Variants in CHODL observed in about 807,000 individuals in gnomAD.
CHODL encodes chondrolectin, also known as transmembrane protein MT75.
A neutral mutation model predicts 34.5 loss-of-function variants in CHODL; 29 were observed. The ratio of observed to expected loss-of-function variants is 0.84; its 90% CI spans 0.63 to 1.15. CHODL has a LOEUF of 1.15. CHODL is among the 50% of genes most tolerant of loss of function. The probability of loss-of-function intolerance (pLI) is 0.00; values close to 1 mark genes in which losing one functional copy is unlikely to be tolerated. For missense variants in CHODL, 332 were observed against 332.5 expected (o/e 1.00, Z 0.01); for synonymous variants, 125 against 116.1 (o/e 1.08, Z -0.49).
chr21:18,224,584 G>A (rs1341796322), intron 2 of CHODL, among the ~76,000 whole-genome samples: 2 of 151,994 alleles, frequency 1.3e-5, no homozygotes, highest in Non-Finnish European at 2.9e-5. Context: ...CTCTATTTAG[G>A]GTATAGTCTC....
chr21:18,133,663 G>T lies in CHODL; in HGVS notation c.-45+105692G>T, dbSNP rs368238624. Among the ~76,000 whole-genome samples the T allele has an allele frequency of 2.6e-3, 390 of 152,240 alleles. 1 individual carries two copies. The highest frequency in any genetic ancestry group is 0.014 in the South Asian group (67 of 4,826). ...CAGGAGAAAGGTTAGGCAGATTTGC[G>T]TATAGCCCCCTTTAGAAGGTTGCCA... On this transcript the variant is annotated intron_variant, in intron 2 of 6. Transcript: ENST00000400127.
chr21:18,067,699 T>A (rs184254784), intron 2 of CHODL, among the ~76,000 whole-genome samples: 2 of 152,232 alleles, frequency 1.3e-5, no homozygotes, highest in African/African-American at 4.8e-5. Flanking sequence ...TAGTTCCTTT[T>A]TCCTTCATAT....
intron 2 of CHODL, among the ~76,000 whole-genome samples, chr21:18,071,950 G>A (rs1052991186): frequency 1.3e-5 from 2 of 151,986 alleles, no homozygotes; most frequent in Admixed American, 1.3e-4. Flanking sequence ...TATAAATAAA[G>A]TTCTTTCAGT....
At chr21:18,179,070 C>T (rs2073350457) in intron 2 of CHODL, among the ~76,000 whole-genome samples, 1 of 152,112 alleles carries the variant, frequency 6.6e-6, no homozygotes, top group Admixed American at 6.5e-5. Flanking sequence ...CTAACCACCC[C>T]CAAGCACATA....
chr21:17,941,118 C>T (rs1361785858), intron 1 of CHODL, among the ~76,000 whole-genome samples: 1 of 152,112 alleles, frequency 6.6e-6, no homozygotes, highest in East Asian at 1.9e-4. Flanking sequence ...TGCCCTGTTT[C>T]ATTCTTGTCA....
At chr21:18,233,468 A>G (rs74658232) in intron 2 of CHODL, among the ~76,000 whole-genome samples, 1,789 of 152,160 alleles carry the variant, frequency 0.012, 35 homozygotes, top group African/African-American at 0.04. Context: ...AGGATGAAAC[A>G]AGTTAATATA....
chr21:18,072,486 T>C (rs1474265296), intron 2 of CHODL, among the ~76,000 whole-genome samples: 1 of 152,142 alleles, frequency 6.6e-6, no homozygotes, highest in Non-Finnish European at 1.5e-5. Context: ...GACGGGAATT[T>C]AGGAGAAGAC....
chr21:17,959,950 C>T (rs1465054202), intron 1 of CHODL, among the ~76,000 whole-genome samples: 1 of 152,142 alleles, frequency 6.6e-6, no homozygotes, highest in Non-Finnish European at 1.5e-5. Flanking sequence ...TATTATCTAA[C>T]ACTTCAGTGG....
chr21:18,040,661 T>A (rs2064363950), intron 2 of CHODL, among the ~76,000 whole-genome samples: 2 of 151,882 alleles, frequency 1.3e-5, no homozygotes, highest in African/African-American at 2.4e-5. Context: ...CTACAGTGCA[T>A]TATTATTTTT....
intron 1 of CHODL, among the ~76,000 whole-genome samples, chr21:18,015,469 G>A (rs1411052632): frequency 6.6e-6 from 1 of 152,146 alleles, no homozygotes; most frequent in Non-Finnish European, 1.5e-5. Flanking sequence ...GTCTCAGGTA[G>A]TTCTTTATAG....
At chr21:18,258,336 T>A (rs970175398) in intron 3 of CHODL, among the ~76,000 whole-genome samples, 1 of 152,186 alleles carries the variant, frequency 6.6e-6, no homozygotes, top group African/African-American at 2.4e-5. Flanking sequence ...AATCCTCTGA[T>A]ATTTTAAATT....
chr21:18,126,404 CAAA>C (rs879645605), intron 2 of CHODL, among the ~76,000 whole-genome samples: 17 of 151,926 alleles, frequency 1.1e-4, no homozygotes, highest in Non-Finnish European at 2.1e-4. Flanking sequence ...ACTGGGAAAA[CAAA>C]AAAATTGTGC....
At position 18,096,041 on chromosome 21, in the gene CHODL, T is replaced by C. The variant is rs1320019480; in HGVS notation, c.-45+68070T>C. Among the ~76,000 whole-genome samples the C allele has an allele frequency of 3.8e-4, 58 of 152,140 alleles. 1 individual carries two copies. Among genetic ancestry groups the C allele is most frequent in the Admixed American group, 3.8e-3 (58 of 15,272 alleles). On this transcript the variant is annotated intron_variant, in intron 2 of 6. Transcript: ENST00000400127. ...AGCAGAAGAACATAAATTGTGAAGA[T>C]TTCATGGACATTAATTAGTTCCCCA...
intron 1 of CHODL, among the ~76,000 whole-genome samples, chr21:18,248,823 A>G (rs1451375669): frequency 8.4e-6 from 1 of 118,922 alleles, no homozygotes; most frequent in Non-Finnish European, 1.6e-5. Context: ...TATATTATAT[A>G]TGTATGTATA....
At position 18,044,490 on chromosome 21, in the gene CHODL, T is replaced by C. The variant is rs79599206; in HGVS notation, c.-45+16519T>C. On this transcript the variant is annotated intron_variant, in intron 2 of 6. Transcript: ENST00000400127. ...TTTCCTGCTGTTTTAACTAACAACA[T>C]TGAATTTTCACTTTGCGCTGTAACC... Among the ~76,000 whole-genome samples the C allele has an allele frequency of 5.6e-3, 853 of 152,080 alleles. 47 individuals carry two copies. In the East Asian group the frequency reaches 0.13, roughly 24 times the overall value.
At chr21:18,080,197 T>A (rs1484639497) in intron 2 of CHODL, among the ~76,000 whole-genome samples, 1 of 152,158 alleles carries the variant, frequency 6.6e-6, no homozygotes, top group African/African-American at 2.4e-5. Flanking sequence ...TTATTTCTTG[T>A]TGAACTATTT....
intron 2 of CHODL, among the ~76,000 whole-genome samples, chr21:18,091,027 C>T (rs2065067049): frequency 6.6e-6 from 1 of 152,258 alleles, no homozygotes; most frequent in South Asian, 2.1e-4. Context: ...CAGAGAGACT[C>T]TGCTCACTTT....
intron 2 of CHODL, among the ~76,000 whole-genome samples, chr21:18,075,178 A>C (rs1356110044): frequency 1.3e-5 from 2 of 152,186 alleles, no homozygotes; most frequent in Non-Finnish European, 2.9e-5. Flanking sequence ...AATTATAACT[A>C]CATGGACTAA....
chr21:17,953,304 C>G (rs2063473182), intron 1 of CHODL, among the ~76,000 whole-genome samples: 1 of 152,046 alleles, frequency 6.6e-6, no homozygotes, highest in South Asian at 2.1e-4. Flanking sequence ...ATTAGCATAG[C>G]TAGAAATTCA....
Sources: allele counts gnomAD v4.1 joint callset (sites outside exome capture counted in the v4.1 genomes callset), GRCh38; gene constraint gnomAD v4.1.1; transcripts MANE v1.5; gene names NCBI Gene and HGNC (gene_info 2026-07-23, HGNC 2026-07-21).